The following PGBD5 variants were observed in gnomAD, a reference collection of about 807,000 sequenced individuals.
PGBD5 encodes the protein piggyBac transposable element-derived protein 5.
PGBD5 carries 14 observed loss-of-function variants against 47.9 expected under a neutral mutation model. That is an observed-to-expected ratio of 0.29 (90% CI 0.19 to 0.46). The LOEUF is 0.46. Ranked by LOEUF, PGBD5 falls within the 20% of genes least tolerant of loss-of-function variation. The pLI is 1.00. For synonymous variants in PGBD5, 316 were observed against 306.3 expected, an observed-to-expected ratio of 1.03 and a Z score of -0.33; for missense variants, 635 against 716.0, an observed-to-expected ratio of 0.89 and a Z score of 1.29.
At chr1:230,381,239 T>C (rs1330622052) in intron 1 of PGBD5, among the ~76,000 whole-genome samples, 2 of 152,356 alleles carry the variant, frequency 1.3e-5, no homozygotes, top group South Asian at 4.1e-4. Flanking sequence ...GAGCACTTCC[T>C]TTCTCAGCAT....
chr1:230,359,491 A>C (rs938582852), intron 1 of PGBD5, among the ~76,000 whole-genome samples: 1 of 152,210 alleles, frequency 6.6e-6, no homozygotes, highest in African/African-American at 2.4e-5. Context: ...ATTAAGAGAG[A>C]TAATGTGTAT....
intron 5 of PGBD5, 22 bp downstream of exon 5, chr1:230,332,822 T>C: frequency 6.2e-7 from 1 of 1,613,840 alleles, no homozygotes; most frequent in East Asian, 2.2e-5. Context: ...CCCCACTGTG[T>C]CAATGGCGGA....
chr1:230,365,312 C>CAAAAA (rs34846205), intron 1 of PGBD5, among the ~76,000 whole-genome samples: 1 of 115,754 alleles, frequency 8.6e-6, no homozygotes, highest in African/African-American at 3.3e-5. Context: ...GACTCCATCT[C>CAAAAA]AAAAAAAAAA....
chr1:230,334,541 G>A lies in PGBD5; in HGVS notation c.1076-1500C>T, dbSNP rs980267222. Reference sequence around the variant, plus strand: ...ACAATGGTCTGTGTGGCCCTAGGAGGGACAACCAGACTCTCAGCTCTGATT... The same window carrying A: ...ACAATGGTCTGTGTGGCCCTAGGAGAGACAACCAGACTCTCAGCTCTGATT... On this transcript the variant is annotated intron_variant, in intron 4 of 6. Coordinates refer to ENST00000391860, the MANE Select transcript of PGBD5 (RefSeq NM_001258311.2). 2.6e-5 allele frequency among the ~76,000 whole-genome samples: 4 copies of A among 152,212 alleles called. No homozygotes were observed. In the East Asian group the frequency reaches 7.7e-4, roughly 29 times the overall value.
rs1668036140 is a variant in PGBD5 at position 230,377,719 on chromosome 1, CAA to C, written c.332-20400_332-20399del. 22 of 1,429,436 alleles carry C rather than the reference CAA, an allele frequency of 1.5e-5. No homozygotes were observed. The South Asian group carries it at 3.4e-4, about 22-fold the overall frequency. 88.5% of individuals were successfully genotyped at this position (1,429,436 alleles called of 1,614,324 possible). On this transcript the variant is annotated intron_variant, in intron 1 of 6. Transcript: ENST00000391860. The stretch of plus-strand genomic sequence containing the variant: ...ATGGCAAAGATTAGAGTATCCACCT[CAA>C]AGAGTCATTGTGAGAATAAAATGAA...
chr1:230,354,754 A>C (rs1216767718), intron 2 of PGBD5, among the ~76,000 whole-genome samples: 2 of 152,146 alleles, frequency 1.3e-5, no homozygotes, highest in Non-Finnish European at 2.9e-5. Context: ...TCCCTGCATC[A>C]ACATCTCTTC....
intron 1 of PGBD5, among the ~76,000 whole-genome samples, chr1:230,369,892 G>C (rs778656562): frequency 6.6e-6 from 1 of 152,208 alleles, no homozygotes; most frequent in African/African-American, 2.4e-5. Flanking sequence ...GAGAAAGAAT[G>C]AGAGAAAAGG....
chr1:230,372,171 G>A (rs1267292197), intron 1 of PGBD5, among the ~76,000 whole-genome samples: 1 of 152,196 alleles, frequency 6.6e-6, no homozygotes, highest in African/African-American at 2.4e-5. Flanking sequence ...ACAAGCTGAA[G>A]GTGTTTATGA....
In PGBD5 at chr1:230,382,097, A is replaced by G. The variant is rs12083461; in HGVS notation, c.332-24776T>C. ...GTACTGTAAGCTTTAGTCCTGCCCAATTCTTCCCTGTCAGCCCACGTGGTT... is the reference window on the plus strand; with the variant it reads ...GTACTGTAAGCTTTAGTCCTGCCCAGTTCTTCCCTGTCAGCCCACGTGGTT... On this transcript the variant is annotated intron_variant, in intron 1 of 6. Coordinates refer to ENST00000391860, the MANE Select transcript of PGBD5 (RefSeq NM_001258311.2). 2.7e-3 allele frequency among the ~76,000 whole-genome samples: 402 copies of G among 151,524 alleles called. 3 individuals are homozygous for G. The highest frequency in any genetic ancestry group is 9.4e-3 in the African/African-American group (384 of 40,880).
At chr1:230,351,530 G>A (rs1299374983) in intron 2 of PGBD5, among the ~76,000 whole-genome samples, 1 of 152,072 alleles carries the variant, frequency 6.6e-6, no homozygotes, top group Non-Finnish European at 1.5e-5. Flanking sequence ...TGCTAAAAAA[G>A]TCTTTCACTG....
chr1:230,421,569 A>C (rs1251142312), intron 1 of PGBD5, among the ~76,000 whole-genome samples: 2 of 152,182 alleles, frequency 1.3e-5, no homozygotes, highest in Non-Finnish European at 2.9e-5. Flanking sequence ...TAATGCATGA[A>C]AATGCAAGTG....
chr1:230,377,558 C>A (rs776483696), intron 1 of PGBD5: 13 of 1,609,158 alleles, frequency 8.1e-6, no homozygotes, highest in Non-Finnish European at 1.1e-5. Flanking sequence ...AACTGCAGCT[C>A]AGGTCCTGCA....
At chr1:230,347,869 A>C (rs1032437507) in intron 3 of PGBD5, among the ~76,000 whole-genome samples, 2 of 152,132 alleles carry the variant, frequency 1.3e-5, no homozygotes, top group Non-Finnish European at 2.9e-5. Flanking sequence ...TATAATAAAC[A>C]TTTACTAAGC....
At chr1:230,401,689 G>A (rs781439298) in intron 1 of PGBD5, among the ~76,000 whole-genome samples, 1 of 152,170 alleles carries the variant, frequency 6.6e-6, no homozygotes, top group Non-Finnish European at 1.5e-5. Context: ...TCTGCTGCCC[G>A]GCCTTTCCCC....
chr1:230,379,834 C>G (rs1170672766), intron 1 of PGBD5, among the ~76,000 whole-genome samples: 2 of 152,280 alleles, frequency 1.3e-5, no homozygotes, highest in Non-Finnish European at 2.9e-5. Flanking sequence ...CTCATTTAAT[C>G]TGCATCCTCC....
chr1:230,345,108 A>C (rs1364121887), intron 3 of PGBD5, among the ~76,000 whole-genome samples: 1 of 152,252 alleles, frequency 6.6e-6, no homozygotes, highest in African/African-American at 2.4e-5. Context: ...CATTCAAAAA[A>C]ATTAGTGGAC....
chr1:230,325,010 C>T (rs1217924802), intron 6 of PGBD5, among the ~76,000 whole-genome samples: 3 of 152,156 alleles, frequency 2.0e-5, no homozygotes, highest in Non-Finnish European at 4.4e-5. Context: ...AGTTTGAGCT[C>T]ACTGCTGAGG....
chr1:230,360,040 T>C (rs1667718706), intron 1 of PGBD5, among the ~76,000 whole-genome samples: 1 of 152,086 alleles, frequency 6.6e-6, no homozygotes, highest in Admixed American at 6.6e-5. Context: ...CCTTGCAGCC[T>C]CCGGTGGGTG....
chr1:230,322,756 CA>C lies in PGBD5; in HGVS notation c.*668del, dbSNP rs1485203712. Reference sequence around the variant, plus strand: ...TATATTTAAAAATAAAAAATAGCATCATCCTTCACTCCAAGTTTTTGGCATT... The same window carrying C: ...TATATTTAAAAATAAAAAATAGCATCTCCTTCACTCCAAGTTTTTGGCATT... On this transcript the variant is annotated 3_prime_UTR_variant, in exon 7 of 7. Coordinates refer to ENST00000391860, the MANE Select transcript of PGBD5 (RefSeq NM_001258311.2). This position sits in a 1 kb window ranked among gnomAD's most constrained non-coding sequence, Gnocchi z 5.9. 6.5e-6 allele frequency: 1 copy of C among 152,784 alleles called. No individual in the cohort carries two copies. The highest frequency in any genetic ancestry group is 1.5e-5 in the Non-Finnish European group (1 of 68,054). 9.5% of individuals were successfully genotyped at this position (152,784 alleles called of 1,614,324 possible). A position where few individuals can be genotyped will look rare whatever the true frequency, so the allele number is the denominator to read the frequency against.
Sources: gnomAD v4.1 joint callset for allele counts (sites outside exome capture counted in the v4.1 genomes callset) on GRCh38, gnomAD v4.1.1 for gene constraint, Gnocchi (gnomAD v3.1) non-coding constraint, MANE v1.5 for transcripts, NCBI Gene and HGNC (gene_info 2026-07-23, HGNC 2026-07-21) for gene names.